ABLIM2: variants seen among roughly 807,000 people sequenced by gnomAD.
ABLIM2 encodes actin binding LIM protein family member 2, also known as actin-binding LIM protein 2.
In ABLIM2, 53 loss-of-function variants were observed where a neutral mutation model predicts 97.7. That is an observed-to-expected ratio of 0.54 (90% CI 0.44 to 0.68). The LOEUF is 0.68. Ranked by LOEUF, ABLIM2 falls within the 30% of genes least tolerant of loss-of-function variation. The probability of loss-of-function intolerance (pLI) is 0.00; values close to 1 mark genes in which losing one functional copy is unlikely to be tolerated. For missense variants in ABLIM2, 835 were observed against 867.2 expected (o/e 0.96, Z 0.47); for synonymous variants, 361 against 345.8 (o/e 1.04, Z -0.49).
At chr4:8,138,203 T>C (rs1850447577) in intron 1 of ABLIM2, among the ~76,000 whole-genome samples, 1 of 151,874 alleles carries the variant, frequency 6.6e-6, no homozygotes. Context: ...GAACCTCAGT[T>C]GAGGGAGATG....
chr4:8,039,948 T>C (rs1035034748), intron 9 of ABLIM2, among the ~76,000 whole-genome samples: 1 of 149,280 alleles, frequency 6.7e-6, no homozygotes, highest in Non-Finnish European at 1.5e-5. Context: ...AAATAGGTGA[T>C]GTCCAAAAGC....
At chr4:8,073,075 G>A (rs990949376) in intron 6 of ABLIM2, among the ~76,000 whole-genome samples, 10 of 151,844 alleles carry the variant, frequency 6.6e-5, no homozygotes, top group East Asian at 1.9e-4. Flanking sequence ...TGTTTTTAAC[G>A]GGAGAGATGA....
At position 8,148,451 on chromosome 4, in the gene ABLIM2, G is replaced by A. The variant is rs969555738; in HGVS notation, c.10+10229C>T. 2.0e-5 allele frequency among the ~76,000 whole-genome samples: 3 copies of A among 152,172 alleles called. No homozygotes were observed. Among genetic ancestry groups the A allele is most frequent in the African/African-American group, 7.2e-5 (3 of 41,436 alleles). On this transcript the variant is annotated intron_variant, in intron 1 of 20. Coordinates refer to ENST00000447017, the MANE Select transcript of ABLIM2 (RefSeq NM_001130083.2). The surrounding 1 kb of genome is among the most constrained non-coding windows in gnomAD (Gnocchi z 6.7). The stretch of plus-strand genomic sequence containing the variant: ...CATGGCGCACCACAGTTAGGAGTGC[G>A]GGTTCTGCAGCTGGCACGGTGCTTC...
chr4:8,079,351 C>T (rs1384226604), intron 5 of ABLIM2, among the ~76,000 whole-genome samples: 3 of 152,346 alleles, frequency 2.0e-5, no homozygotes, highest in Non-Finnish European at 2.9e-5. Context: ...TGCTAAGTAA[C>T]ATGCACGGTG....
At chr4:8,009,274 C>A (rs528283037) in intron 14 of ABLIM2, among the ~76,000 whole-genome samples, 172 bp from the exon 15 acceptor site, 107 of 152,318 alleles carry the variant, frequency 7.0e-4, no homozygotes, top group Non-Finnish European at 1.1e-3. Context: ...AGGAGGTCCC[C>A]AGGGATCACG....
intron 1 of ABLIM2, among the ~76,000 whole-genome samples, chr4:8,126,279 G>C (rs1245753442): frequency 6.6e-6 from 1 of 152,114 alleles, no homozygotes; most frequent in African/African-American, 2.4e-5. Flanking sequence ...GGCCCTGCTG[G>C]GCACCAGGCC....
At chr4:8,056,248 G>A (rs548833003) in intron 7 of ABLIM2, among the ~76,000 whole-genome samples, 2 of 150,952 alleles carry the variant, frequency 1.3e-5, no homozygotes, top group East Asian at 3.9e-4. Flanking sequence ...TATAGTACAG[G>A]TGTACCTACA....
At position 8,020,570 on chromosome 4, in the gene ABLIM2, T is replaced by C. The variant is rs998803524; in HGVS notation, c.1268-267A>G. On this transcript the variant is annotated intron_variant, in intron 12 of 20. Transcript: ENST00000447017. ...TTGCTGAGGGCAGAGGGCTGGGCGG[T>C]GAACTAAGAACACCTTAGGGGGCTC... 3 of 563,190 alleles carry C rather than the reference T, an allele frequency of 5.3e-6. No homozygotes were observed. In the African/African-American group the frequency reaches 5.6e-5, roughly 11 times the overall value. 34.9% of individuals were successfully genotyped at this position (563,190 alleles called of 1,614,324 possible). A position where few individuals can be genotyped will look rare whatever the true frequency, so the allele number is the denominator to read the frequency against.
At chr4:7,980,214 C>T (rs186507123) in intron 20 of ABLIM2, among the ~76,000 whole-genome samples, 5 of 152,160 alleles carry the variant, frequency 3.3e-5, no homozygotes, top group South Asian at 4.2e-4. Context: ...GAAGAGGGGG[C>T]GAGTCAGACA....
chr4:8,025,948 C>T (rs754079005), intron 12 of ABLIM2, among the ~76,000 whole-genome samples: 1 of 152,246 alleles, frequency 6.6e-6, no homozygotes, highest in Non-Finnish European at 1.5e-5. Flanking sequence ...GGACCACACG[C>T]AGCAAAGCCC....
At chr4:8,156,408 T>C (rs1262741741) in intron 1 of ABLIM2, among the ~76,000 whole-genome samples, 1 of 152,176 alleles carries the variant, frequency 6.6e-6, no homozygotes, top group Non-Finnish European at 1.5e-5. Flanking sequence ...CTGTCTGGTA[T>C]GGGATGCCAT....
intron 3 of ABLIM2, among the ~76,000 whole-genome samples, chr4:8,093,295 G>C (rs1327523874): frequency 6.6e-6 from 1 of 152,158 alleles, no homozygotes; most frequent in African/African-American, 2.4e-5. Context: ...ATCTAACATG[G>C]CACTCTCTGC....
At chr4:8,091,469 T>TA (rs1827952611) in intron 3 of ABLIM2, among the ~76,000 whole-genome samples, 1 of 48,472 alleles carries the variant, frequency 2.1e-5, no homozygotes, top group African/African-American at 7.1e-5. Flanking sequence ...TATAATTATA[T>TA]ATAATATATA....
chr4:8,000,874 C>T (rs914386860), intron 16 of ABLIM2, among the ~76,000 whole-genome samples: 6 of 152,152 alleles, frequency 3.9e-5, no homozygotes, highest in African/African-American at 7.2e-5. Flanking sequence ...CTGTTCTCTG[C>T]GGGTCTGTCC....
At position 8,083,051 on chromosome 4, in the gene ABLIM2, G is replaced by A. The variant is rs1820937624; in HGVS notation, c.455-2249C>T. Among the ~76,000 whole-genome samples, 1 of 152,178 alleles carries A rather than the reference G, an allele frequency of 6.6e-6. No homozygotes were observed. The highest frequency in any genetic ancestry group is 2.1e-4 in the South Asian group (1 of 4,826). ...GGTTCCAGGCATCTAGTGGGCAGTG[G>A]ACACAGGATGCTAACCGTGCCAGGA... On this transcript the variant is annotated intron_variant, in intron 4 of 20. Transcript: ENST00000447017. The surrounding 1 kb of genome is among the most constrained non-coding windows in gnomAD (Gnocchi z 4.6).
At chr4:7,973,514 G>A (rs974362606) in intron 20 of ABLIM2, among the ~76,000 whole-genome samples, 1 of 150,762 alleles carries the variant, frequency 6.6e-6, no homozygotes, top group Non-Finnish European at 1.5e-5. Flanking sequence ...AAAAAAAAAA[G>A]AGAGAAAAAA....
At position 8,095,972 on chromosome 4, in the gene ABLIM2, G is replaced by A. The variant is rs540467726; in HGVS notation, c.338+1127C>T. On this transcript the variant is annotated intron_variant, in intron 3 of 20. Coordinates refer to ENST00000447017, the MANE Select transcript of ABLIM2 (RefSeq NM_001130083.2). The surrounding 1 kb of genome is among the most constrained non-coding windows in gnomAD (Gnocchi z 4.7). ...AGACTCCAAGGTACCTGTGCAGTTC[G>A]GCGCTCTTGCTCTGTGGTGCCCCTG... is the stretch of plus-strand genomic sequence containing the variant. 3.3e-5 allele frequency among the ~76,000 whole-genome samples: 5 copies of A among 152,202 alleles called. No individual in the cohort carries two copies. The highest frequency in any genetic ancestry group is 2.1e-4 in the South Asian group (1 of 4,814).
chr4:8,090,780 C>G (rs13121226), intron 3 of ABLIM2, among the ~76,000 whole-genome samples: 83,377 of 150,734 alleles, frequency 0.55, 23,850 homozygotes, highest in Non-Finnish European at 0.64. Flanking sequence ...TCGCGTTTTT[C>G]AGGTCCACTC....
intron 2 of ABLIM2, among the ~76,000 whole-genome samples, chr4:8,104,039 C>T (rs1247781674): frequency 1.3e-5 from 2 of 152,356 alleles, no homozygotes; most frequent in Middle Eastern, 3.4e-3. Context: ...TAATGAAAAG[C>T]ATGAAATCCA....
Sources: gnomAD v4.1 joint callset for allele counts (sites outside exome capture counted in the v4.1 genomes callset) on GRCh38, gnomAD v4.1.1 for gene constraint, Gnocchi (gnomAD v3.1) non-coding constraint, MANE v1.5 for transcripts, NCBI Gene and HGNC (gene_info 2026-07-23, HGNC 2026-07-21) for gene names.